Variants in SGCZ observed in about 807,000 individuals in gnomAD.
SGCZ encodes the protein sarcoglycan zeta.
In SGCZ, 40 loss-of-function variants were observed where a neutral mutation model predicts 41.3. That is an observed-to-expected ratio of 0.97 (90% CI 0.75 to 1.26). The LOEUF is 1.26. SGCZ is among the 50% of genes most tolerant of loss of function. SGCZ has a pLI of 0.00. For synonymous variants in SGCZ, 206 were observed against 137.5 expected (o/e 1.50, Z -3.49); for missense variants, 552 against 369.8 (o/e 1.49, Z -4.04).
chr8:15,008,841 G>A (rs1055940893), intron 1 of SGCZ, among the ~76,000 whole-genome samples: 4 of 145,908 alleles, frequency 2.7e-5, no homozygotes, highest in Admixed American at 2.1e-4. Flanking sequence ...GAGAGGGGAG[G>A]GATTAAAACT....
intron 3 of SGCZ, among the ~76,000 whole-genome samples, chr8:14,260,097 T>A (rs933982295): frequency 6.6e-6 from 1 of 152,180 alleles, no homozygotes; most frequent in East Asian, 1.9e-4. Flanking sequence ...AGTTCACTCA[T>A]GATTTGGCTC....
intron 5 of SGCZ, among the ~76,000 whole-genome samples, chr8:14,157,861 G>C (rs1052660593): frequency 6.6e-6 from 1 of 152,094 alleles, no homozygotes; most frequent in Non-Finnish European, 1.5e-5. Context: ...TGAATAGTCT[G>C]ATTTCCTATA....
chr8:15,199,654 C>A (rs535051181), intron 1 of SGCZ, among the ~76,000 whole-genome samples: 1 of 152,116 alleles, frequency 6.6e-6, no homozygotes, highest in East Asian at 1.9e-4. Context: ...CAGTCAGGAA[C>A]CTATAAATTC....
chr8:14,702,467 G>C (rs1467207205), intron 1 of SGCZ, among the ~76,000 whole-genome samples: 3 of 151,722 alleles, frequency 2.0e-5, no homozygotes, highest in Non-Finnish European at 4.4e-5. Context: ...TCCAGCCAAA[G>C]CTCTGCACCC....
At chr8:15,147,676 G>A (rs1307394310) in intron 1 of SGCZ, among the ~76,000 whole-genome samples, 7 of 152,176 alleles carry the variant, frequency 4.6e-5, no homozygotes, top group African/African-American at 1.7e-4. Flanking sequence ...ACTTGCAGTA[G>A]GGGCTGGCTC....
chr8:14,150,977 C>A (rs950924191), intron 5 of SGCZ, among the ~76,000 whole-genome samples: 1 of 152,008 alleles, frequency 6.6e-6, no homozygotes, highest in Non-Finnish European at 1.5e-5. Flanking sequence ...AAAATCACAA[C>A]AATTGTACTC....
At chr8:14,681,418 AAATAT>A (rs1012484738) in intron 1 of SGCZ, among the ~76,000 whole-genome samples, 1 of 152,222 alleles carries the variant, frequency 6.6e-6, no homozygotes, top group African/African-American at 2.4e-5. Flanking sequence ...GGACTTTTAG[AAATAT>A]AATGTAAACC....
chr8:14,442,354 G>T (rs1008233788), intron 2 of SGCZ, among the ~76,000 whole-genome samples: 2 of 152,176 alleles, frequency 1.3e-5, no homozygotes, highest in African/African-American at 2.4e-5. Context: ...TGCCATGTAA[G>T]AAGTGACTTT....
chr8:14,202,526 G>T (rs1479368387), intron 4 of SGCZ, among the ~76,000 whole-genome samples: 1 of 151,292 alleles, frequency 6.6e-6, no homozygotes, highest in Non-Finnish European at 1.5e-5. Flanking sequence ...ATTCATACTT[G>T]GATAATTTTT....
At chr8:14,956,318 G>A (rs772709228) in intron 1 of SGCZ, among the ~76,000 whole-genome samples, 3 of 151,974 alleles carry the variant, frequency 2.0e-5, no homozygotes, top group East Asian at 1.9e-4. Context: ...AATTACAAGC[G>A]TGAGCCACCA....
intron 1 of SGCZ, among the ~76,000 whole-genome samples, chr8:15,145,590 C>G (rs1799014810): frequency 6.6e-6 from 1 of 152,054 alleles, no homozygotes; most frequent in Non-Finnish European, 1.5e-5. Flanking sequence ...CCTCAGCCTC[C>G]CAAGTAGCTT....
chr8:15,027,044 C>T (rs1803483917), intron 1 of SGCZ, among the ~76,000 whole-genome samples: 1 of 152,098 alleles, frequency 6.6e-6, no homozygotes, highest in Admixed American at 6.6e-5. Context: ...TTGTTTCGTA[C>T]CTGAAATGAA....
At chr8:14,449,048 C>G (rs532192216) in intron 2 of SGCZ, among the ~76,000 whole-genome samples, 3 of 152,162 alleles carry the variant, frequency 2.0e-5, no homozygotes, top group Middle Eastern at 3.2e-3. Context: ...GACTTATGCT[C>G]TGATGCCTCC....
At chr8:15,114,744 C>A (rs527819130) in intron 1 of SGCZ, among the ~76,000 whole-genome samples, 1 of 150,434 alleles carries the variant, frequency 6.6e-6, no homozygotes, top group Non-Finnish European at 1.5e-5. Flanking sequence ...GAGATACAAG[C>A]GTTTTCTTTT....
intron 2 of SGCZ, among the ~76,000 whole-genome samples, chr8:14,410,859 T>A (rs1799340926): frequency 6.6e-6 from 1 of 152,164 alleles, no homozygotes; most frequent in South Asian, 2.1e-4. Flanking sequence ...TCTTTTCAAA[T>A]GGAACACTGC....
At chr8:14,292,688 A>C (rs997237073) in intron 3 of SGCZ, among the ~76,000 whole-genome samples, 1 of 151,978 alleles carries the variant, frequency 6.6e-6, no homozygotes, top group Non-Finnish European at 1.5e-5. Context: ...TTCTGGATCT[A>C]CCACTTTCTT....
At chr8:14,972,485 A>T (rs892958064) in intron 1 of SGCZ, among the ~76,000 whole-genome samples, 1 of 152,152 alleles carries the variant, frequency 6.6e-6, no homozygotes, top group Non-Finnish European at 1.5e-5. Flanking sequence ...TGGTTTGCTT[A>T]TGTAGACCAT....
intron 1 of SGCZ, among the ~76,000 whole-genome samples, chr8:15,100,704 C>A (rs1806576074): frequency 6.6e-6 from 1 of 152,136 alleles, no homozygotes; most frequent in Admixed American, 6.5e-5. Flanking sequence ...TACTGTAGGC[C>A]AAATGTGGTG....
At chr8:14,757,488 C>T (rs1332625103) in intron 1 of SGCZ, among the ~76,000 whole-genome samples, 4 of 152,128 alleles carry the variant, frequency 2.6e-5, no homozygotes, top group Non-Finnish European at 5.9e-5. Flanking sequence ...TCTAACTATA[C>T]CTAAGAGTTC....
Sources: gnomAD v4.1 joint callset for allele counts (sites outside exome capture counted in the v4.1 genomes callset) on GRCh38, gnomAD v4.1.1 for gene constraint, MANE v1.5 for transcripts, NCBI Gene and HGNC (gene_info 2026-07-23, HGNC 2026-07-21) for gene names.